ERBB4: variants seen among roughly 807,000 people sequenced by gnomAD.
The protein encoded by ERBB4 is erb-b2 receptor tyrosine kinase 4.
ERBB4 carries 42 observed loss-of-function variants against 158.0 expected under a neutral mutation model. That is an observed-to-expected ratio of 0.27 (90% CI 0.21 to 0.34). ERBB4 has a LOEUF of 0.34. Ranked by LOEUF, ERBB4 falls within the 10% of genes least tolerant of loss-of-function variation. The pLI is 1.00. For synonymous variants in ERBB4, 583 were observed against 558.7 expected (o/e 1.04, Z -0.61); for missense variants, 1,333 against 1,624.1 (o/e 0.82, Z 3.08).
chr2:212,172,479 G>T (rs2081547007), intron 1 of ERBB4, among the ~76,000 whole-genome samples: 1 of 152,082 alleles, frequency 6.6e-6, no homozygotes. Context: ...GTTCATTGCA[G>T]CACTGTTCAC....
At chr2:211,426,985 G>A (rs2063642768) in intron 22 of ERBB4, among the ~76,000 whole-genome samples, 1 of 151,864 alleles carries the variant, frequency 6.6e-6, no homozygotes, top group Non-Finnish European at 1.5e-5. Context: ...AGTAAGTTTT[G>A]TCAAGCATTT....
intron 3 of ERBB4, among the ~76,000 whole-genome samples, chr2:211,918,177 T>C (rs1038595868): frequency 2.6e-5 from 4 of 152,142 alleles, no homozygotes; most frequent in African/African-American, 9.7e-5. Flanking sequence ...AGGTAAGAAG[T>C]TAATTTTTCT....
At chr2:212,333,381 A>G (rs945736665) in intron 1 of ERBB4, among the ~76,000 whole-genome samples, 2 of 151,242 alleles carry the variant, frequency 1.3e-5, no homozygotes, top group Non-Finnish European at 2.9e-5. Context: ...AGCTTTAAAT[A>G]TATATATATA....
chr2:212,110,359 A>G (rs1396682084), intron 2 of ERBB4, among the ~76,000 whole-genome samples: 1 of 152,116 alleles, frequency 6.6e-6, no homozygotes, highest in Non-Finnish European at 1.5e-5. Context: ...CCAAGACTTG[A>G]CTTCTTTCCT....
At chr2:211,922,965 A>G (rs2079910574) in intron 3 of ERBB4, among the ~76,000 whole-genome samples, 1 of 152,198 alleles carries the variant, frequency 6.6e-6, no homozygotes, top group South Asian at 2.1e-4. Flanking sequence ...ATGTATAACA[A>G]TAGATGAAGT....
rs558172922 is a variant in ERBB4, at chr2:212,458,738, G to C, written c.82+79711C>G. 7.2e-5 allele frequency among the ~76,000 whole-genome samples: 11 copies of C among 152,204 alleles called. No homozygotes were observed. In the East Asian group the frequency reaches 2.1e-3, roughly 29 times the overall value. On this transcript the variant is annotated intron_variant, in intron 1 of 27. Transcript: ENST00000342788. ...GGGTTCCAGACAGAAACTACTGTGG[G>C]CAACAAATAAGGCAGTAGAAGTTAA...
chr2:211,669,241 A>G (rs1203686122), intron 14 of ERBB4, among the ~76,000 whole-genome samples: 1 of 150,704 alleles, frequency 6.6e-6, no homozygotes, highest in South Asian at 2.1e-4. Context: ...AAAAAAAAGA[A>G]AAAAGAAAAA....
chr2:212,267,369 T>TA (rs568681708), intron 1 of ERBB4, among the ~76,000 whole-genome samples: 4 of 151,598 alleles, frequency 2.6e-5, no homozygotes, highest in Non-Finnish European at 5.9e-5. Flanking sequence ...GGCTCATAGA[T>TA]AAAAAAAGAT....
chr2:212,056,782 T>G (rs2077587827), intron 2 of ERBB4, among the ~76,000 whole-genome samples: 1 of 152,136 alleles, frequency 6.6e-6, no homozygotes, highest in Non-Finnish European at 1.5e-5. Context: ...AAGGAAGCAC[T>G]AAACATGGAA....
intron 1 of ERBB4, among the ~76,000 whole-genome samples, chr2:212,460,628 C>T (rs1309731302): frequency 1.3e-5 from 2 of 152,250 alleles, no homozygotes; most frequent in Admixed American, 1.3e-4. Flanking sequence ...TGGTGGAAGA[C>T]ATTTCTAAGC....
At chr2:211,990,329 T>C in intron 2 of ERBB4, among the ~76,000 whole-genome samples, 1 of 151,956 alleles carries the variant, frequency 6.6e-6, no homozygotes, top group Admixed American at 6.6e-5. Flanking sequence ...GCCACTTCAA[T>C]GTACTTGTGT....
At chr2:211,578,850 C>T (rs1233592033) in intron 19 of ERBB4, among the ~76,000 whole-genome samples, 2 of 151,946 alleles carry the variant, frequency 1.3e-5, no homozygotes, top group Non-Finnish European at 2.9e-5. Flanking sequence ...TTATAAAAAC[C>T]CTAGAAGAAA....
intron 12 of ERBB4, among the ~76,000 whole-genome samples, chr2:211,701,459 T>C (rs1160551292): frequency 1.3e-5 from 2 of 151,764 alleles, no homozygotes; most frequent in Non-Finnish European, 2.9e-5. Context: ...GGAGGGTTCT[T>C]AAGATCAGGC....
intron 1 of ERBB4, among the ~76,000 whole-genome samples, chr2:212,260,491 G>C (rs1158126633): frequency 1.3e-5 from 2 of 152,146 alleles, no homozygotes; most frequent in East Asian, 1.9e-4. Context: ...AATGCCATGA[G>C]CAGCTTGTAA....
chr2:212,434,061 TG>T (rs2092085872), intron 1 of ERBB4, among the ~76,000 whole-genome samples: 1 of 152,128 alleles, frequency 6.6e-6, no homozygotes, highest in African/African-American at 2.4e-5. Flanking sequence ...TTCCAGTTCC[TG>T]TACATGCTTT....
chr2:212,321,787 A>G (rs1390150096), intron 1 of ERBB4, among the ~76,000 whole-genome samples: 1 of 150,526 alleles, frequency 6.6e-6, no homozygotes, highest in African/African-American at 2.4e-5. Context: ...ACAATTAGGC[A>G]TTAAAAACAC....
chr2:212,409,439 A>G (rs1216086391), intron 1 of ERBB4, among the ~76,000 whole-genome samples: 1 of 152,124 alleles, frequency 6.6e-6, no homozygotes, highest in Non-Finnish European at 1.5e-5. Flanking sequence ...AATCTACCCA[A>G]TCTTTAAATT....
chr2:211,829,261 C>T (rs141532631), intron 3 of ERBB4, among the ~76,000 whole-genome samples: 337 of 152,182 alleles, frequency 2.2e-3, no homozygotes, highest in Non-Finnish European at 3.6e-3. Context: ...ACTTTCATTG[C>T]GTCCATATAT....
intron 20 of ERBB4, among the ~76,000 whole-genome samples, chr2:211,498,409 T>C (rs151131721): frequency 1.0e-3 from 154 of 152,214 alleles, no homozygotes; most frequent in Admixed American, 1.7e-3. Context: ...GTTTTATATA[T>C]ATCTATATAC....
Sources: allele counts gnomAD v4.1 joint callset (sites outside exome capture counted in the v4.1 genomes callset), GRCh38; gene constraint gnomAD v4.1.1; transcripts MANE v1.5; gene names NCBI Gene and HGNC (gene_info 2026-07-23, HGNC 2026-07-21).